RIMS2: variants seen among roughly 807,000 people sequenced by gnomAD.
RIMS2 encodes the protein regulating synaptic membrane exocytosis protein 2.
RIMS2 carries 59 observed loss-of-function variants against 174.4 expected under a neutral mutation model. That is an observed-to-expected ratio of 0.34 (90% CI 0.27 to 0.42). The LOEUF is 0.42. RIMS2 is among the 10% of genes least tolerant of loss of function. The probability of loss-of-function intolerance (pLI) is 1.00; values close to 1 mark genes in which losing one functional copy is unlikely to be tolerated. For missense variants in RIMS2, 1,620 were observed against 1,666.3 expected (o/e 0.97, Z 0.48); for synonymous variants, 606 against 572.5 (o/e 1.06, Z -0.84).
intron 17 of RIMS2, among the ~76,000 whole-genome samples, chr8:103,994,055 A>AAAAAAAAAAAAAAAGAAT: frequency 6.6e-6 from 1 of 150,582 alleles, no homozygotes; most frequent in Admixed American, 6.6e-5. Context: ...TGTCTCAAAA[A>AAAAAAAAAAAAAAAGAAT]AAAAAAAAAA....
intron 1 of RIMS2, among the ~76,000 whole-genome samples, chr8:103,592,770 C>T (rs2094321957): frequency 6.6e-6 from 1 of 151,310 alleles, no homozygotes; most frequent in African/African-American, 2.4e-5. Context: ...ACATTTTTCA[C>T]AAGACACATG....
chr8:104,084,789 A>G (rs2154563759), intron 19 of RIMS2, among the ~76,000 whole-genome samples: 1 of 152,228 alleles, frequency 6.6e-6, no homozygotes, highest in Non-Finnish European at 1.5e-5. Context: ...CTGTGATCTC[A>G]TTTAAAACTC....
Position 103,667,866 on chromosome 8 carries a change from G to T in RIMS2, c.177-29220G>T, listed in dbSNP as rs565280564. ...CAAGAGTCTGTAGGGGATCTTCTGA[G>T]TTGTGAGATTACAAGCTTAAGGTTC... On this transcript the variant is annotated intron_variant, in intron 1 of 23. Transcript: ENST00000504942. Among the ~76,000 whole-genome samples the T allele has an allele frequency of 2.0e-5, 3 of 152,290 alleles. No individual in the cohort carries two copies. In the South Asian group the frequency reaches 6.2e-4, roughly 32 times the overall value.
Position 103,777,293 on chromosome 8 carries a change from TACAA to T in RIMS2, c.698+10760_698+10763del, listed in dbSNP as rs1344045420. Among the ~76,000 whole-genome samples, 5 of 151,934 alleles carry T rather than the reference TACAA, an allele frequency of 3.3e-5. No individual in the cohort carries two copies. In the East Asian group the frequency reaches 5.8e-4, roughly 18 times the overall value. On this transcript the variant is annotated intron_variant, in intron 3 of 23. Coordinates refer to ENST00000504942, the Ensembl canonical transcript of RIMS2. ...CCAGGAAAAGAATGAAGAGAGACCTTACAAACAGAGTTACGGACTCAAATGCTAT... is the reference window on the plus strand; with the variant it reads ...CCAGGAAAAGAATGAAGAGAGACCTTACAGAGTTACGGACTCAAATGCTAT...
At chr8:103,582,072 C>T (rs1346406550) in intron 1 of RIMS2, among the ~76,000 whole-genome samples, 1 of 152,122 alleles carries the variant, frequency 6.6e-6, no homozygotes, top group Non-Finnish European at 1.5e-5. Context: ...AGGACTTTGT[C>T]TTGCATTTAG....
At chr8:103,732,165 C>A (rs2097607058) in intron 2 of RIMS2, among the ~76,000 whole-genome samples, 1 of 152,214 alleles carries the variant, frequency 6.6e-6, no homozygotes, top group Admixed American at 6.5e-5. Flanking sequence ...GGGGTACCCC[C>A]AGCCCATTAA....
chr8:103,527,793 A>T (rs1201576465), intron 1 of RIMS2, among the ~76,000 whole-genome samples: 1 of 152,184 alleles, frequency 6.6e-6, no homozygotes, highest in Non-Finnish European at 1.5e-5. Flanking sequence ...TCTATCAGTG[A>T]TGGACATTTG....
chr8:103,854,566 A>T (rs1026403816), intron 3 of RIMS2, among the ~76,000 whole-genome samples: 1 of 150,360 alleles, frequency 6.7e-6, no homozygotes, highest in Non-Finnish European at 1.5e-5. Flanking sequence ...TTTTTTTTTT[A>T]ATCATGAAGA....
At chr8:103,911,955 G>A in intron 5 of RIMS2, 98 bp from the exon 9 acceptor site, 1 of 889,408 alleles carries the variant, frequency 1.1e-6, no homozygotes, top group Non-Finnish European at 1.6e-6. Context: ...GAAGTTTAGA[G>A]AGGTCGTACA....
At chr8:103,597,657 C>T (rs1357064308) in intron 1 of RIMS2, among the ~76,000 whole-genome samples, 1 of 152,102 alleles carries the variant, frequency 6.6e-6, no homozygotes, top group East Asian at 1.9e-4. Context: ...GATTTGAAAC[C>T]TATAGGGTGA....
intron 3 of RIMS2, among the ~76,000 whole-genome samples, chr8:103,871,435 A>T (rs1295585809): frequency 6.6e-6 from 1 of 152,164 alleles, no homozygotes; most frequent in Non-Finnish European, 1.5e-5. Context: ...TGTATAATAT[A>T]AAAATCTAGT....
chr8:103,879,041 G>T (rs1324738304), intron 3 of RIMS2, among the ~76,000 whole-genome samples: 1 of 151,474 alleles, frequency 6.6e-6, no homozygotes, highest in Non-Finnish European at 1.5e-5. Context: ...ATAAACAAAA[G>T]AAAACATGTT....
intron 17 of RIMS2, among the ~76,000 whole-genome samples, chr8:103,992,455 G>GT (rs2094787661): frequency 1.3e-5 from 2 of 151,564 alleles, no homozygotes; most frequent in East Asian, 3.9e-4. Flanking sequence ...TTGTTTGTTT[G>GT]TTTTTTAAGT....
At chr8:104,097,298 G>GT (rs2097779806) in intron 19 of RIMS2, among the ~76,000 whole-genome samples, 1 of 152,052 alleles carries the variant, frequency 6.6e-6, no homozygotes, top group African/African-American at 2.4e-5. Context: ...TAGCCTGAAG[G>GT]TAATTTTATC....
intron 20 of RIMS2, among the ~76,000 whole-genome samples, chr8:104,247,381 A>T (rs2099341017): frequency 6.6e-6 from 1 of 151,952 alleles, no homozygotes; most frequent in Non-Finnish European, 1.5e-5. Context: ...TTCTCACAGC[A>T]TTTTCTCTGT....
intron 1 of RIMS2, among the ~76,000 whole-genome samples, chr8:103,665,843 C>G (rs1012018417): frequency 2.0e-5 from 3 of 152,094 alleles, no homozygotes; most frequent in African/African-American, 7.2e-5. Context: ...TTTTGCATGT[C>G]TTTCATGGCC....
At chr8:103,979,079 T>A (rs1187007673) in intron 16 of RIMS2, among the ~76,000 whole-genome samples, 1 of 152,198 alleles carries the variant, frequency 6.6e-6, no homozygotes, top group Non-Finnish European at 1.5e-5. Flanking sequence ...GTTTTTAAAT[T>A]CCTGGAACTT....
chr8:103,559,373 G>A, intron 1 of RIMS2: 1 of 309,850 alleles, frequency 3.2e-6, no homozygotes, highest in Non-Finnish European at 6.2e-6. Context: ...CTCGGAGCTG[G>A]TGTCCACGGC....
intron 1 of RIMS2, among the ~76,000 whole-genome samples, chr8:103,576,585 T>C (rs1019432061): frequency 3.3e-5 from 5 of 152,044 alleles, no homozygotes; most frequent in African/African-American, 9.6e-5. Context: ...CAAGATAACA[T>C]ATAAAAACAA....
Sources: gnomAD v4.1 joint callset for allele counts (sites outside exome capture counted in the v4.1 genomes callset) on GRCh38, gnomAD v4.1.1 for gene constraint, MANE v1.5 for transcripts, NCBI Gene and HGNC (gene_info 2026-07-23, HGNC 2026-07-21) for gene names.